TUT7: variants seen among roughly 807,000 people sequenced by gnomAD.
TUT7 encodes the protein terminal uridylyl transferase 7.
A neutral mutation model predicts 165.9 loss-of-function variants in TUT7; 33 were observed. That is an observed-to-expected ratio of 0.20 (90% CI 0.15 to 0.27). The LOEUF is 0.27. Ranked by LOEUF, TUT7 falls within the 10% of genes least tolerant of loss-of-function variation. The pLI is 1.00. For missense variants in TUT7, 1,338 were observed against 1,762.3 expected (o/e 0.76, Z 4.31); for synonymous variants, 552 against 608.1 (o/e 0.91, Z 1.36).
At chr9:86,318,320 A>G (rs1443239303) in intron 16 of TUT7, among the ~76,000 whole-genome samples, 3 of 152,224 alleles carry the variant, frequency 2.0e-5, no homozygotes, top group Non-Finnish European at 4.4e-5. Flanking sequence ...TTAAGAGTGA[A>G]GGCAGCCATA....
At chr9:86,329,541 AC>A (rs1830114264) in intron 10 of TUT7, among the ~76,000 whole-genome samples, 1 of 151,870 alleles carries the variant, frequency 6.6e-6, no homozygotes, top group Non-Finnish European at 1.5e-5. Context: ...AAAAAACAAA[AC>A]AAAAAACAAA....
Position 86,323,525 on chromosome 9 carries a change from T to C in TUT7, c.2225A>G (p.Tyr742Cys). The C allele has an allele frequency of 6.2e-7, 1 of 1,614,220 alleles. No homozygotes were observed. Among genetic ancestry groups the C allele is most frequent in the Non-Finnish European group, 8.5e-7 (1 of 1,180,042 alleles). ...NSDDYKGDKV[Y>C]HPETGRKNEK... is the part of the protein sequence containing the mutation. ...GTTTTTCCTTCCTGTTTCTGGATGG[T>C]ATACTTTATCACCCTTGTAATCATC... Residue 742 changes from tyrosine to cysteine, a missense_variant, in exon 13 of 27, where the codon TAC becomes TGC. By Grantham distance (194) the Tyr-to-Cys change is radical. Transcript: ENST00000375963.
intron 2 of TUT7, among the ~76,000 whole-genome samples, chr9:86,351,909 T>C (rs865780681): frequency 8.5e-5 from 13 of 152,236 alleles, no homozygotes; most frequent in African/African-American, 1.2e-4. Flanking sequence ...ATATCTCCCA[T>C]TAGATAAAAA....
At chr9:86,348,769 A>C (rs937770393) in intron 2 of TUT7, among the ~76,000 whole-genome samples, 14 of 152,092 alleles carry the variant, frequency 9.2e-5, no homozygotes, top group Admixed American at 1.3e-4. Context: ...AACAAACAAA[A>C]AAAGGATGAA....
rs562431212 is a variant in TUT7 at position 86,323,980 on chromosome 9, G to C, written c.1790-20C>G. 6.7e-7 allele frequency: 1 copy of C among 1,501,596 alleles called. No homozygotes were observed. Among genetic ancestry groups the C allele is most frequent in the Non-Finnish European group, 8.9e-7 (1 of 1,122,528 alleles). 93.0% of individuals were successfully genotyped at this position (1,501,596 alleles called of 1,614,324 possible). ...AGGGATCTGTAATAAAAAAAAGAAAGAAAGAAAAATCCATCTCTTCATATG... is the reference window on the plus strand; with the variant it reads ...AGGGATCTGTAATAAAAAAAAGAAACAAAGAAAAATCCATCTCTTCATATG... On this transcript the variant is annotated intron_variant, in intron 12 of 26. Transcript: ENST00000375963.
chr9:86,313,104 A>G (rs1457919624), intron 17 of TUT7, among the ~76,000 whole-genome samples: 1 of 150,658 alleles, frequency 6.6e-6, no homozygotes, highest in African/African-American at 2.4e-5. Flanking sequence ...CCCCTCTGCG[A>G]GAAACACCCA....
In TUT7 at chr9:86,352,893, A is replaced by C; in HGVS notation, c.307T>G (p.Ser103Ala). 6.2e-7 allele frequency: 1 copy of C among 1,614,228 alleles called. No homozygotes were observed. The highest frequency in any genetic ancestry group is 8.5e-7 in the Non-Finnish European group (1 of 1,180,044). ...TCTGAATTACCAGTATGTTCATCAG[A>C]CAGCCATCTCTTACTCTGATCTTTG... ...SHKDQSKRWL[S>A]DEHTGNSDNW... Residue 103 changes from serine (S) to alanine (A), a missense_variant, in exon 2 of 27, where the codon TCT becomes GCT. Around this residue, in one of 7 missense-constraint regions of TUT7, gnomAD observed 434 missense variants for 480.8 expected, o/e 0.90. Transcript: ENST00000375963.
chr9:86,337,555 A>G lies in TUT7; in HGVS notation c.1336-17T>C. 2 of 1,587,036 alleles carry G rather than the reference A, an allele frequency of 1.3e-6. No individual in the cohort carries two copies. The highest frequency in any genetic ancestry group is 1.7e-6 in the Non-Finnish European group (2 of 1,171,302). Reference sequence around the variant, plus strand: ...ACTGCAAAGCTACAAACAAGAGAAAAGAAAGTTAAGCATTCTTTTTGTATG... The same window carrying G: ...ACTGCAAAGCTACAAACAAGAGAAAGGAAAGTTAAGCATTCTTTTTGTATG... On this transcript the variant is annotated splice_polypyrimidine_tract_variant and intron_variant, in intron 9 of 26. Coordinates refer to ENST00000375963, the MANE Select transcript of TUT7 (RefSeq NM_024617.4).
chr9:86,338,801 T>G (rs377276518), intron 9 of TUT7, 22 bp downstream of exon 9: 2 of 1,579,148 alleles, frequency 1.3e-6, no homozygotes, highest in Non-Finnish European at 1.7e-6. Context: ...AATGTATTCA[T>G]GCATAAAGAC....
intron 26 of TUT7, among the ~76,000 whole-genome samples, chr9:86,297,046 CT>C (rs1435144428): frequency 7.2e-5 from 11 of 152,080 alleles, no homozygotes; most frequent in Non-Finnish European, 1.6e-4. Flanking sequence ...TAAGTTAATA[CT>C]TTTTTTCCAG....
intron 15 of TUT7, 78 bp from the exon 16 acceptor site, chr9:86,319,136 T>A (rs1446135045): frequency 2.0e-5 from 18 of 908,924 alleles, no homozygotes; most frequent in Non-Finnish European, 2.9e-5. Flanking sequence ...CTCTCATGAA[T>A]CAAAAACACC....
At chr9:86,305,295 C>T (rs544860058) in intron 22 of TUT7, 56 bp from the exon 23 acceptor site, 2 of 1,172,354 alleles carry the variant, frequency 1.7e-6, no homozygotes, top group South Asian at 2.9e-5. Flanking sequence ...TGCCACCATT[C>T]ATCCAATAAG....
chr9:86,302,104 AAAAC>A (rs1208551085), intron 25 of TUT7, among the ~76,000 whole-genome samples: 1 of 152,206 alleles, frequency 6.6e-6, no homozygotes, highest in Non-Finnish European at 1.5e-5. Flanking sequence ...AAAGGACTGA[AAAAC>A]AAAGCTTCTC....
At chr9:86,294,045 C>T (rs373537937) in intron 26 of TUT7, among the ~76,000 whole-genome samples, 3 of 152,182 alleles carry the variant, frequency 2.0e-5, no homozygotes, top group South Asian at 2.1e-4. Context: ...GGCGCCCGGC[C>T]GCAAGGATAG....
At chr9:86,312,534 GA>G (rs758827998) in intron 17 of TUT7, among the ~76,000 whole-genome samples, 7 of 151,984 alleles carry the variant, frequency 4.6e-5, no homozygotes, top group Non-Finnish European at 1.0e-4. Flanking sequence ...TCTGGGAGGT[GA>G]GGGGCGCCTC....
chr9:86,335,786 C>T (rs949534403), intron 10 of TUT7, among the ~76,000 whole-genome samples: 2 of 152,094 alleles, frequency 1.3e-5, no homozygotes, highest in South Asian at 2.1e-4. Flanking sequence ...TGCTGAACAC[C>T]GCAGGATCAT....
chr9:86,352,716 G>A lies in TUT7; in HGVS notation c.484C>T (p.Leu162=), dbSNP rs745478644. The A allele has an allele frequency of 2.5e-6, 4 of 1,614,186 alleles. No individual in the cohort carries two copies. In the South Asian group the frequency reaches 3.3e-5, roughly 13 times the overall value. The change falls in exon 2 of 27, where the codon CTA becomes TTA. Residue 162 remains leucine (L), a synonymous_variant. Transcript: ENST00000375963. ...RRLFHKDLTS[L]ETTSEMEAGS... is the part of the protein sequence containing the mutation. Reference sequence around the variant, plus strand: ...GCTTCCATTTCTGACGTGGTTTCTAGGCTTGTTAGGTCTTTATGAAACAGT... The same window carrying A: ...GCTTCCATTTCTGACGTGGTTTCTAAGCTTGTTAGGTCTTTATGAAACAGT...
chr9:86,301,780 G>A, intron 25 of TUT7, 179 bp from the exon 26 acceptor site: 6 of 985,362 alleles, frequency 6.1e-6, no homozygotes, highest in Non-Finnish European at 7.2e-6. Context: ...TGCTCCCTCA[G>A]GGTTTAAGGG....
chr9:86,353,009 G>T lies in TUT7; in HGVS notation c.191C>A (p.Thr64Asn). The T allele has an allele frequency of 6.2e-7, 1 of 1,614,168 alleles. No individual in the cohort carries two copies. The highest frequency in any genetic ancestry group is 8.5e-7 in the Non-Finnish European group (1 of 1,180,036). The change falls in exon 2 of 27, where the codon ACC becomes AAC. Residue 64 changes from threonine (T) to asparagine (N), a missense_variant. By Grantham distance (65) the Thr-to-Asn change is moderately conservative. Coordinates refer to ENST00000375963, the MANE Select transcript of TUT7 (RefSeq NM_024617.4). ...AACAGCACATGGTCCTTTTCTGGGG[G>T]TATTCCCATAGTTCCCTGGTGTTAT... ...KKITPGNYGNTPRKGPCAVSS... is the reference protein window; with the variant it reads ...KKITPGNYGNNPRKGPCAVSS...
Sources: gnomAD v4.1 joint callset for allele counts (sites outside exome capture counted in the v4.1 genomes callset) on GRCh38, gnomAD v4.1.1 for gene constraint, gnomAD v4.1.1 regional missense constraint, MANE v1.5 for transcripts, NCBI Gene and HGNC (gene_info 2026-07-23, HGNC 2026-07-21) for gene names.